Variants in PCBP3 observed in about 807,000 individuals in gnomAD.
PCBP3 encodes poly(rC)-binding protein 3.
Under a neutral mutation model 52.7 loss-of-function variants are expected in PCBP3, and 25 were observed. The ratio of observed to expected loss-of-function variants is 0.47; its 90% CI spans 0.35 to 0.66. PCBP3 has a LOEUF of 0.66. Ranked by LOEUF, PCBP3 falls within the 30% of genes least tolerant of loss-of-function variation. The pLI is 0.01. For synonymous variants in PCBP3, 162 were observed against 183.0 expected, an observed-to-expected ratio of 0.89 and a Z score of 0.93; for missense variants, 391 against 490.3, an observed-to-expected ratio of 0.80 and a Z score of 1.91.
chr21:45,854,926 G>A (rs113986713), intron 5 of PCBP3, among the ~76,000 whole-genome samples: 1,919 of 152,278 alleles, frequency 0.013, 23 homozygotes, highest in Non-Finnish European at 0.02. Context: ...GGAAACTTAC[G>A]ATCTCTCCTG....
chr21:45,936,259 G>A (rs542058870), intron 16 of PCBP3, among the ~76,000 whole-genome samples: 26 of 152,302 alleles, frequency 1.7e-4, no homozygotes, highest in East Asian at 1.3e-3. Flanking sequence ...GAGCAGGGTC[G>A]CCAGAGGAAT....
intron 4 of PCBP3, among the ~76,000 whole-genome samples, chr21:45,823,400 G>C (rs1448314384): frequency 1.3e-5 from 2 of 152,182 alleles, no homozygotes; most frequent in Non-Finnish European, 2.9e-5. Context: ...GGTTGAGGTG[G>C]TGTCTGGTCT....
chr21:45,914,272 T>A (rs1295173331), intron 12 of PCBP3: 5 of 602,220 alleles, frequency 8.3e-6, no homozygotes, highest in African/African-American at 3.8e-5. Flanking sequence ...GGCAGGAAGA[T>A]CTGGCTCTGC....
At chr21:45,781,747 A>G (rs915137484) in intron 4 of PCBP3, among the ~76,000 whole-genome samples, 1 of 151,956 alleles carries the variant, frequency 6.6e-6, no homozygotes, top group Non-Finnish European at 1.5e-5. Flanking sequence ...ATTGTTGTAC[A>G]TCTATATAAT....
intron 4 of PCBP3, among the ~76,000 whole-genome samples, chr21:45,794,476 G>GAA (rs1160365312): frequency 6.6e-6 from 1 of 152,176 alleles, no homozygotes; most frequent in East Asian, 1.9e-4. Flanking sequence ...TTCACATCTT[G>GAA]AACAGGAAAA....
chr21:45,818,694 C>G (rs1426207176), intron 4 of PCBP3, among the ~76,000 whole-genome samples: 3 of 152,218 alleles, frequency 2.0e-5, no homozygotes, highest in Admixed American at 6.5e-5. Context: ...CTTCAGCCTA[C>G]ACAACAACCT....
intron 2 of PCBP3, among the ~76,000 whole-genome samples, chr21:45,732,271 CAT>C (rs1184616319): frequency 2.0e-5 from 3 of 152,020 alleles, no homozygotes; most frequent in South Asian, 2.1e-4. Flanking sequence ...TCTCTTTGTA[CAT>C]AGTTTCCTAT....
intron 4 of PCBP3, among the ~76,000 whole-genome samples, chr21:45,776,440 C>T (rs1055298676): frequency 4.0e-5 from 6 of 151,758 alleles, no homozygotes; most frequent in Admixed American, 6.6e-5. Flanking sequence ...GTCTCTCTCT[C>T]TCCCACTGTT....
chr21:45,851,863 C>T (rs1330308113), intron 5 of PCBP3, among the ~76,000 whole-genome samples: 1 of 152,216 alleles, frequency 6.6e-6, no homozygotes, highest in Non-Finnish European at 1.5e-5. Flanking sequence ...TTCTCAGACA[C>T]ATTTTTATGG....
rs562450796 is a variant in PCBP3, at chr21:45,678,570, TGTG to T, written c.-200+9622_-200+9624del. On this transcript the variant is annotated intron_variant, in intron 2 of 17. Transcript: ENST00000681687. ...CTTTATTGAAGGAAGTCACTGCAGA[TGTG>T]GTGAAAACAGCAAGAGAACTAGAAT... is the stretch of plus-strand genomic sequence containing the variant. 2.1e-3 allele frequency among the ~76,000 whole-genome samples: 313 copies of T among 151,968 alleles called. 1 individual carries two copies. Among genetic ancestry groups the T allele is most frequent in the African/African-American group, 7.3e-3 (301 of 41,428 alleles).
chr21:45,717,745 GT>G (rs772086821), intron 2 of PCBP3, among the ~76,000 whole-genome samples: 1 of 152,096 alleles, frequency 6.6e-6, no homozygotes, highest in Non-Finnish European at 1.5e-5. Flanking sequence ...TAATATTTTT[GT>G]TGTGATGTTT....
intron 4 of PCBP3, among the ~76,000 whole-genome samples, chr21:45,803,080 C>A (rs2092367341): frequency 6.6e-6 from 1 of 152,184 alleles, no homozygotes; most frequent in African/African-American, 2.4e-5. Flanking sequence ...CGTTGGAAGT[C>A]AGTCACAAAG....
chr21:45,831,348 G>A (rs2093442707), intron 4 of PCBP3: 1 of 151,238 alleles, frequency 6.6e-6, no homozygotes, highest in Non-Finnish European at 1.5e-5. Flanking sequence ...GGTGCAGGTT[G>A]GAGTGAGCCA....
At chr21:45,914,305 G>C (rs181492677) in intron 12 of PCBP3, 11 of 522,582 alleles carry the variant, frequency 2.1e-5, no homozygotes, top group African/African-American at 1.6e-4. Context: ...CCCAGAACTG[G>C]GTGTTTTTAG....
intron 2 of PCBP3, among the ~76,000 whole-genome samples, chr21:45,727,948 A>G (rs952543283): frequency 6.6e-6 from 1 of 152,206 alleles, no homozygotes; most frequent in Non-Finnish European, 1.5e-5. Flanking sequence ...CTTTATAACT[A>G]GCTTTATAAT....
At chr21:45,833,184 A>G (rs1002861628) in intron 4 of PCBP3, among the ~76,000 whole-genome samples, 1 of 152,222 alleles carries the variant, frequency 6.6e-6, no homozygotes, top group Non-Finnish European at 1.5e-5. Flanking sequence ...GGCAGGCAGG[A>G]GATACCCCCA....
intron 2 of PCBP3, among the ~76,000 whole-genome samples, chr21:45,723,755 C>T (rs979447555): frequency 6.6e-5 from 10 of 152,206 alleles, no homozygotes; most frequent in African/African-American, 2.4e-4. Flanking sequence ...GGCCCGGGGT[C>T]GAGCTCAGGG....
At chr21:45,941,058 T>C (rs975289898) in intron 17 of PCBP3, among the ~76,000 whole-genome samples, 6 of 152,148 alleles carry the variant, frequency 3.9e-5, no homozygotes, top group Non-Finnish European at 8.8e-5. Flanking sequence ...AGAGGCTGCC[T>C]GGAGAGGACG....
In PCBP3 at chr21:45,917,481, G is replaced by C. The variant is rs1312004701; in HGVS notation, c.676-107G>C. On this transcript the variant is annotated intron_variant, in intron 12 of 17. Coordinates refer to ENST00000681687, the MANE Select transcript of PCBP3 (RefSeq NM_001384156.1). This position sits in a 1 kb window ranked among gnomAD's most constrained non-coding sequence, Gnocchi z 5.3. ...TGGGGACAGGTGGAGAGGCACACGAGGGGGAAGCTTCTACCGGAGGGTCCT... is the reference window on the plus strand; with the variant it reads ...TGGGGACAGGTGGAGAGGCACACGACGGGGAAGCTTCTACCGGAGGGTCCT... 4 of 841,784 alleles carry C rather than the reference G, an allele frequency of 4.8e-6. No homozygotes were observed. In the Admixed American group the frequency reaches 5.3e-5, roughly 11 times the overall value. 52.1% of individuals were successfully genotyped at this position (841,784 alleles called of 1,614,324 possible). A position where few individuals can be genotyped will look rare whatever the true frequency, so the allele number is the denominator to read the frequency against.
Sources: allele counts gnomAD v4.1 joint callset (sites outside exome capture counted in the v4.1 genomes callset), GRCh38; gene constraint gnomAD v4.1.1; non-coding constraint Gnocchi (gnomAD v3.1); transcripts MANE v1.5; gene names NCBI Gene and HGNC (gene_info 2026-07-23, HGNC 2026-07-21).